The following CACNA2D3 variants were observed in gnomAD, a reference collection of about 807,000 sequenced individuals.
CACNA2D3 encodes voltage-dependent calcium channel subunit alpha-2/delta-3.
In CACNA2D3, 60 loss-of-function variants were observed where a neutral mutation model predicts 160.6. The observed-to-expected ratio is 0.37, with a 90% CI of 0.30 to 0.46. The LOEUF (loss-of-function observed/expected upper bound fraction) is 0.46. CACNA2D3 is among the 20% of genes least tolerant of loss of function. CACNA2D3 has a pLI of 1.00. For synonymous variants in CACNA2D3, 558 were observed against 492.9 expected (o/e 1.13, Z -1.75); for missense variants, 1,205 against 1,365.0 (o/e 0.88, Z 1.85).
intron 9 of CACNA2D3, among the ~76,000 whole-genome samples, chr3:54,612,153 G>T (rs1253934112): frequency 1.3e-5 from 2 of 152,154 alleles, no homozygotes; most frequent in African/African-American, 4.8e-5. Context: ...AGAGGGAAGT[G>T]AGGGCTTACA....
chr3:54,974,730 C>G (rs533848437), intron 29 of CACNA2D3, among the ~76,000 whole-genome samples: 3 of 152,344 alleles, frequency 2.0e-5, no homozygotes, highest in African/African-American at 7.2e-5. Flanking sequence ...TTTTTAAAAA[C>G]AACCTCATCC....
chr3:55,046,120 C>CT (rs1704075888), intron 35 of CACNA2D3, among the ~76,000 whole-genome samples: 1 of 148,456 alleles, frequency 6.7e-6, no homozygotes, highest in Non-Finnish European at 1.5e-5. Context: ...TTTTATTATA[C>CT]TTTAAGTTTT....
chr3:54,344,965 C>T (rs1032473312), intron 3 of CACNA2D3, among the ~76,000 whole-genome samples: 2 of 152,178 alleles, frequency 1.3e-5, no homozygotes, highest in Non-Finnish European at 2.9e-5. Context: ...TCTGGTCGTC[C>T]TCACTGCTGC....
intron 13 of CACNA2D3, among the ~76,000 whole-genome samples, chr3:54,767,115 C>G (rs955723569): frequency 6.6e-6 from 1 of 151,636 alleles, no homozygotes; most frequent in Non-Finnish European, 1.5e-5. Context: ...CTGAGTATAC[C>G]TTTTTGCACA....
chr3:54,171,541 A>G (rs1267682504), intron 2 of CACNA2D3, among the ~76,000 whole-genome samples: 1 of 152,144 alleles, frequency 6.6e-6, no homozygotes, highest in Non-Finnish European at 1.5e-5. Flanking sequence ...TATAATCTAA[A>G]ATGATTATTA....
chr3:55,043,535 C>G (rs11711905), intron 35 of CACNA2D3, among the ~76,000 whole-genome samples: 8,664 of 151,926 alleles, frequency 0.057, 772 homozygotes, highest in East Asian at 0.44. Flanking sequence ...TTTACTGTTG[C>G]AAATTTTTTG....
intron 2 of CACNA2D3, among the ~76,000 whole-genome samples, chr3:54,171,136 C>CTTTTTCTTTTTTTTTT (rs1700558119): frequency 1.6e-5 from 1 of 62,542 alleles, no homozygotes; most frequent in African/African-American, 5.5e-5. Context: ...AAGATGATGA[C>CTTTTTCTTTTTTTTTT]TTTTTTTTTT....
At chr3:54,392,178 G>T (rs1699293548) in intron 4 of CACNA2D3, among the ~76,000 whole-genome samples, 1 of 152,102 alleles carries the variant, frequency 6.6e-6, no homozygotes, top group Admixed American at 6.5e-5. Context: ...GGAGACCCTA[G>T]CTTTGAATAC....
At chr3:54,385,696 G>A (rs1276396358) in intron 3 of CACNA2D3, among the ~76,000 whole-genome samples, 2 of 152,048 alleles carry the variant, frequency 1.3e-5, no homozygotes, top group Non-Finnish European at 2.9e-5. Context: ...TTATTCATGG[G>A]ACATTTGTCC....
intron 17 of CACNA2D3, among the ~76,000 whole-genome samples, chr3:54,867,456 A>C (rs1444084180): frequency 6.6e-6 from 1 of 152,116 alleles, no homozygotes; most frequent in East Asian, 1.9e-4. Context: ...TGAAAAGAAA[A>C]AAATAAAGGA....
At chr3:54,679,314 C>A (rs1307524646) in intron 11 of CACNA2D3, among the ~76,000 whole-genome samples, 1 of 152,176 alleles carries the variant, frequency 6.6e-6, no homozygotes, top group Non-Finnish European at 1.5e-5. Flanking sequence ...ATTATATATT[C>A]AAAGAGGCTC....
At chr3:54,970,081 G>A (rs1268464955) in intron 29 of CACNA2D3, among the ~76,000 whole-genome samples, 3 of 151,764 alleles carry the variant, frequency 2.0e-5, no homozygotes, top group East Asian at 3.9e-4. Context: ...TAGCACTATT[G>A]GAATTTTGAC....
intron 27 of CACNA2D3, among the ~76,000 whole-genome samples, chr3:54,910,154 A>G (rs553052386): frequency 5.9e-5 from 9 of 152,296 alleles, no homozygotes; most frequent in African/African-American, 2.2e-4. Context: ...ACACAATTAT[A>G]CATGACACAG....
intron 3 of CACNA2D3, among the ~76,000 whole-genome samples, chr3:54,380,373 C>T (rs1699080347): frequency 6.6e-6 from 1 of 152,224 alleles, no homozygotes; most frequent in African/African-American, 2.4e-5. Context: ...TGCTGTGTAA[C>T]ACGCTGCTAG....
intron 27 of CACNA2D3, among the ~76,000 whole-genome samples, chr3:54,963,167 A>C (rs1172202082): frequency 6.6e-6 from 1 of 152,136 alleles, no homozygotes; most frequent in Non-Finnish European, 1.5e-5. Context: ...GGTTCATTCA[A>C]ACTCATTTCC....
intron 4 of CACNA2D3, among the ~76,000 whole-genome samples, chr3:54,452,786 T>G (rs1339742281): frequency 6.6e-6 from 1 of 152,166 alleles, no homozygotes; most frequent in African/African-American, 2.4e-5. Flanking sequence ...AGGGCGATGC[T>G]CCCTCTGAAG....
At chr3:54,683,579 A>C (rs1298282953) in intron 11 of CACNA2D3, among the ~76,000 whole-genome samples, 1 of 152,168 alleles carries the variant, frequency 6.6e-6, no homozygotes, top group Non-Finnish European at 1.5e-5. Context: ...TAATGCATAC[A>C]ATACACACAG....
intron 3 of CACNA2D3, among the ~76,000 whole-genome samples, chr3:54,369,013 C>T (rs954733472): frequency 6.6e-6 from 1 of 151,956 alleles, no homozygotes; most frequent in Non-Finnish European, 1.5e-5. Flanking sequence ...CAGTAGGGTT[C>T]TCTTATAGCT....
intron 13 of CACNA2D3, among the ~76,000 whole-genome samples, chr3:54,768,848 C>T (rs1185674321): frequency 1.3e-5 from 2 of 152,184 alleles, no homozygotes; most frequent in Non-Finnish European, 2.9e-5. Context: ...TCCCAAGGTT[C>T]TGTTGCTGTA....
Sources: allele counts gnomAD v4.1 joint callset (sites outside exome capture counted in the v4.1 genomes callset), GRCh38; gene constraint gnomAD v4.1.1; transcripts MANE v1.5; gene names NCBI Gene and HGNC (gene_info 2026-07-23, HGNC 2026-07-21).